Variants in SLC2A9 observed in about 807,000 individuals in gnomAD.
SLC2A9 encodes the protein solute carrier family 2, facilitated glucose transporter member 9.
A neutral mutation model predicts 50.6 loss-of-function variants in SLC2A9; 39 were observed. That is an observed-to-expected ratio of 0.77 (90% CI 0.60 to 1.01). SLC2A9 has a LOEUF of 1.01. Among genes scored for constraint, SLC2A9 ranks in the 50% least tolerant of loss-of-function variants. The probability of loss-of-function intolerance (pLI) is 0.00; values close to 1 mark genes in which losing one functional copy is unlikely to be tolerated. For missense variants in SLC2A9, 686 were observed against 677.6 expected, an observed-to-expected ratio of 1.01 and a Z score of -0.14; for synonymous variants, 324 against 276.9, an observed-to-expected ratio of 1.17 and a Z score of -1.69.
intron 6 of SLC2A9, among the ~76,000 whole-genome samples, chr4:9,939,416 T>C (rs1475751791): frequency 1.3e-5 from 2 of 152,214 alleles, no homozygotes; most frequent in Non-Finnish European, 2.9e-5. Context: ...CAGGGCCTCT[T>C]TTCCCCAAAT....
At chr4:10,022,094 C>T (rs1192344809), upstream of SLC2A9, among the ~76,000 whole-genome samples, 1 of 152,208 alleles carries the variant, frequency 6.6e-6, no homozygotes, top group East Asian at 1.9e-4. Context: ...CCACCTCAGC[C>T]TCCCAAAGTG....
At chr4:9,804,659 CTAT>C (rs925485553) in intron 3 of SLC2A9, among the ~76,000 whole-genome samples, 2 of 152,096 alleles carry the variant, frequency 1.3e-5, no homozygotes, top group African/African-American at 4.8e-5. Flanking sequence ...GCATTTTTTC[CTAT>C]TATTGTGTTG....
chr4:9,879,929 C>T (rs1734922782), intron 10 of SLC2A9: 1 of 985,302 alleles, frequency 1.0e-6, no homozygotes, highest in African/African-American at 1.7e-5. Context: ...TCTTTGCTTT[C>T]ACCTAATTTC....
chr4:9,989,133 CAGCTTGA>C (rs1284463649), intron 3 of SLC2A9, among the ~76,000 whole-genome samples: 1 of 152,210 alleles, frequency 6.6e-6, no homozygotes, highest in Non-Finnish European at 1.5e-5. Flanking sequence ...CCTGCATACC[CAGCTTGA>C]ATTCCTTGGC....
chr4:9,860,147 G>A (rs918297401), intron 10 of SLC2A9, among the ~76,000 whole-genome samples: 4 of 152,146 alleles, frequency 2.6e-5, no homozygotes, highest in African/African-American at 4.8e-5. Flanking sequence ...AGTACCAGGC[G>A]TTCTCTGTGG....
At chr4:9,829,878 C>T (rs1177082121) in intron 11 of SLC2A9, among the ~76,000 whole-genome samples, 1 of 152,132 alleles carries the variant, frequency 6.6e-6, no homozygotes, top group Admixed American at 6.6e-5. Flanking sequence ...TGCTGGCGAG[C>T]TTGCGGAGAA....
At chr4:9,980,334 A>G (rs977748497) in intron 5 of SLC2A9, among the ~76,000 whole-genome samples, 1 of 152,250 alleles carries the variant, frequency 6.6e-6, no homozygotes, top group Non-Finnish European at 1.5e-5. Context: ...GCCTAAACAA[A>G]CACAAATTGA....
At chr4:10,015,394 T>C (rs1299655741) in intron 2 of SLC2A9, among the ~76,000 whole-genome samples, 7 of 152,228 alleles carry the variant, frequency 4.6e-5, no homozygotes, top group Admixed American at 4.6e-4. Context: ...CCTGGCTGTG[T>C]GAACCTGGGC....
At chr4:9,870,243 C>G (rs569652979) in intron 10 of SLC2A9, among the ~76,000 whole-genome samples, 1 of 152,372 alleles carries the variant, frequency 6.6e-6, no homozygotes, top group African/African-American at 2.4e-5. Context: ...ACAGCAGCCA[C>G]AGGAAATGGA....
At chr4:9,882,022 AAG>A (rs1735298444) in intron 10 of SLC2A9, among the ~76,000 whole-genome samples, 1 of 152,226 alleles carries the variant, frequency 6.6e-6, no homozygotes, top group Admixed American at 6.5e-5. Flanking sequence ...CTTTGAATTT[AAG>A]AGACAAAGAC....
At chr4:9,933,369 A>G (rs901489040) in intron 6 of SLC2A9, among the ~76,000 whole-genome samples, 3 of 152,074 alleles carry the variant, frequency 2.0e-5, no homozygotes, top group Non-Finnish European at 2.9e-5. Context: ...TTTCTCCTGG[A>G]AAGGGGAGGG....
chr4:10,023,180 G>C (rs565044296), upstream of SLC2A9, among the ~76,000 whole-genome samples: 1 of 152,230 alleles, frequency 6.6e-6, no homozygotes, highest in Non-Finnish European at 1.5e-5. Flanking sequence ...AGAAGGATAC[G>C]GGGTGAGAGG....
intron 3 of SLC2A9, among the ~76,000 whole-genome samples, chr4:9,799,874 G>A (rs535337719): frequency 6.6e-6 from 1 of 152,212 alleles, no homozygotes; most frequent in South Asian, 2.1e-4. Context: ...ACTGAGGGTT[G>A]GAAAGATGGT....
intron 1 of SLC2A9, chr4:10,034,655 G>A (rs2109595701): frequency 6.6e-6 from 1 of 152,418 alleles, no homozygotes; most frequent in African/African-American, 2.4e-5. Flanking sequence ...GGGCTTCTGT[G>A]TCCTCATCTG....
intron 1 of SLC2A9, among the ~76,000 whole-genome samples, chr4:10,038,398 T>C (rs1764174026): frequency 6.8e-6 from 1 of 147,168 alleles, no homozygotes; most frequent in Non-Finnish European, 1.5e-5. Context: ...TCCAAGCTAC[T>C]AGCGAGGCTG....
chr4:9,964,353 G>T (rs1752743925), intron 5 of SLC2A9, among the ~76,000 whole-genome samples: 1 of 152,122 alleles, frequency 6.6e-6, no homozygotes, highest in Admixed American at 6.5e-5. Context: ...AGGAGTTCAG[G>T]CATTAACCTG....
At chr4:9,979,678 C>T (rs910031455) in intron 5 of SLC2A9, among the ~76,000 whole-genome samples, 10 of 152,260 alleles carry the variant, frequency 6.6e-5, no homozygotes, top group Non-Finnish European at 1.0e-4. Flanking sequence ...CCGCCTCCAC[C>T]CCAGAGCCAC....
At chr4:10,026,151 G>A (rs775907829), upstream of SLC2A9, 25 of 621,780 alleles carry the variant, frequency 4.0e-5, no homozygotes, top group South Asian at 3.0e-4. Flanking sequence ...CAGCATCCTC[G>A]CTTGGGCATC....
At chr4:10,021,227 G>A in intron 1 of SLC2A9, 53 bp downstream of exon 1, 1 of 1,588,668 alleles carries the variant, frequency 6.3e-7, no homozygotes. Context: ...CTGCCACCCA[G>A]GCCTGCCTTC....
Sources: gnomAD v4.1 joint callset for allele counts (sites outside exome capture counted in the v4.1 genomes callset) on GRCh38, gnomAD v4.1.1 for gene constraint, MANE v1.5 for transcripts, NCBI Gene and HGNC (gene_info 2026-07-23, HGNC 2026-07-21) for gene names.